The following GRIK4 variants were observed in gnomAD, a reference collection of about 807,000 sequenced individuals.
GRIK4 encodes the protein glutamate ionotropic receptor kainate type subunit 4, also known as glutamate receptor ionotropic, kainate 4.
GRIK4 carries 40 observed loss-of-function variants against 104.9 expected under a neutral mutation model. That is an observed-to-expected ratio of 0.38 (90% CI 0.30 to 0.50). The LOEUF (loss-of-function observed/expected upper bound fraction) is 0.50. Among genes scored for constraint, GRIK4 ranks in the 20% least tolerant of loss-of-function variants. The pLI is 0.93. For missense variants in GRIK4, 1,047 were observed against 1,308.1 expected (o/e 0.80, Z 3.08); for synonymous variants, 485 against 524.9 (o/e 0.92, Z 1.04).
chr11:120,512,619 G>A (rs1457890509), intron 1 of GRIK4, among the ~76,000 whole-genome samples: 1 of 145,492 alleles, frequency 6.9e-6, no homozygotes, highest in Non-Finnish European at 1.5e-5. Flanking sequence ...CTAGAGACCT[G>A]CAATGGGCGC....
chr11:120,865,194 C>G (rs1031861206), intron 9 of GRIK4, among the ~76,000 whole-genome samples: 1 of 150,566 alleles, frequency 6.6e-6, no homozygotes, highest in Non-Finnish European at 1.5e-5. Context: ...TATGCATATA[C>G]GATTCTATCT....
intron 1 of GRIK4, among the ~76,000 whole-genome samples, chr11:120,617,622 G>A (rs1949133053): frequency 6.6e-6 from 1 of 152,154 alleles, no homozygotes; most frequent in Non-Finnish European, 1.5e-5. Context: ...GATCATAGAG[G>A]TGGATTTCCC....
intron 9 of GRIK4, chr11:120,868,794 C>G (rs1418824558): frequency 6.6e-6 from 1 of 152,064 alleles, no homozygotes; most frequent in Admixed American, 6.6e-5. Flanking sequence ...ACCGTGTTGG[C>G]CAGGATGGTC....
chr11:120,550,915 T>C (rs894480002), intron 1 of GRIK4, among the ~76,000 whole-genome samples: 1 of 152,092 alleles, frequency 6.6e-6, no homozygotes, highest in Non-Finnish European at 1.5e-5. Context: ...CATGCAGGGC[T>C]GAGTGGGGTC....
At chr11:120,818,390 A>G (rs967413871) in intron 5 of GRIK4, among the ~76,000 whole-genome samples, 3 of 152,244 alleles carry the variant, frequency 2.0e-5, no homozygotes, top group African/African-American at 7.2e-5. Context: ...ATGGGATACA[A>G]AATACAAGCG....
chr11:120,906,944 A>C (rs1942881063), intron 13 of GRIK4, among the ~76,000 whole-genome samples: 1 of 152,186 alleles, frequency 6.6e-6, no homozygotes, highest in Non-Finnish European at 1.5e-5. Context: ...AGTCAACAGA[A>C]GGCTGCAGAA....
chr11:120,624,026 A>G (rs890858078), intron 1 of GRIK4, among the ~76,000 whole-genome samples: 1 of 145,270 alleles, frequency 6.9e-6, no homozygotes, highest in Non-Finnish European at 1.5e-5. Flanking sequence ...GCCTCTCTCC[A>G]TCACTGCCTG....
At chr11:120,723,245 C>T (rs1037712561) in intron 3 of GRIK4, among the ~76,000 whole-genome samples, 4 of 152,162 alleles carry the variant, frequency 2.6e-5, no homozygotes, top group Non-Finnish European at 5.9e-5. Flanking sequence ...TTACATGTTA[C>T]GTTAATATAA....
At chr11:120,593,013 T>C (rs1948753651) in intron 1 of GRIK4, among the ~76,000 whole-genome samples, 1 of 151,832 alleles carries the variant, frequency 6.6e-6, no homozygotes, top group Non-Finnish European at 1.5e-5. Flanking sequence ...CGAAATCCCG[T>C]CTCTACTAAA....
chr11:120,697,615 C>CA lies in GRIK4; in HGVS notation c.82+37223dup, dbSNP rs201690732. On this transcript the variant is annotated intron_variant, in intron 3 of 20. Coordinates refer to ENST00000527524, the MANE Select transcript of GRIK4 (RefSeq NM_014619.5). ...GGGCGACAGAGTGAGACTCTGTCTCCAAAAAAAAGAATTTGTATTCCTTTA... is the reference window on the plus strand; with the variant it reads ...GGGCGACAGAGTGAGACTCTGTCTCCAAAAAAAAAGAATTTGTATTCCTTTA... Among the ~76,000 whole-genome samples, 57 of 151,698 alleles carry CA rather than the reference C, an allele frequency of 3.8e-4. 1 individual carries two copies. Among genetic ancestry groups the CA allele is most frequent in the African/African-American group, 1.1e-3 (46 of 41,362 alleles).
intron 3 of GRIK4, among the ~76,000 whole-genome samples, chr11:120,699,530 G>GGT (rs1178181309): frequency 8.1e-5 from 11 of 135,062 alleles, no homozygotes; most frequent in South Asian, 2.6e-4. Flanking sequence ...CAGTAAGTCA[G>GGT]GTGTGTGTAT....
intron 3 of GRIK4, among the ~76,000 whole-genome samples, chr11:120,791,489 T>C (rs1952393104): frequency 6.6e-6 from 1 of 152,234 alleles, no homozygotes; most frequent in Non-Finnish European, 1.5e-5. Flanking sequence ...TGAAAGTTCT[T>C]TACATATTCT....
chr11:120,898,422 A>C (rs1592056275), intron 11 of GRIK4, 110 bp from the exon 12 acceptor site: 2 of 670,856 alleles, frequency 3.0e-6, no homozygotes, highest in African/African-American at 3.7e-5. Flanking sequence ...CGTACTCCAC[A>C]CCCCTCCCTG....
At chr11:120,710,178 TAATC>T (rs1284804912) in intron 3 of GRIK4, among the ~76,000 whole-genome samples, 1 of 151,724 alleles carries the variant, frequency 6.6e-6, no homozygotes, top group African/African-American at 2.4e-5. Context: ...GTATTCCAAT[TAATC>T]TTTCTAGTAA....
chr11:120,825,865 AG>A (rs1953243752), intron 6 of GRIK4, among the ~76,000 whole-genome samples: 1 of 152,166 alleles, frequency 6.6e-6, no homozygotes, highest in African/African-American at 2.4e-5. Flanking sequence ...TGCTTATGGC[AG>A]TGGGGGTGGA....
chr11:120,886,920 G>T (rs1412479205), intron 11 of GRIK4, among the ~76,000 whole-genome samples: 2 of 152,236 alleles, frequency 1.3e-5, no homozygotes, highest in East Asian at 3.9e-4. Context: ...ATACTAAAGG[G>T]CTTCTAGACC....
chr11:120,597,216 G>A (rs1211890132), intron 1 of GRIK4, among the ~76,000 whole-genome samples: 3 of 152,170 alleles, frequency 2.0e-5, no homozygotes, highest in African/African-American at 4.8e-5. Flanking sequence ...CTCACCTTGC[G>A]GGGCCGCTCC....
At position 120,550,675 on chromosome 11, in the gene GRIK4, C is replaced by G. The variant is rs556574653; in HGVS notation, c.-159+38788C>G. ...GCCAGGGTGGATGTGGCGCCACAGA[C>G]AGGACAGAGGCCAGGTGAGTCCTGA... is the stretch of plus-strand genomic sequence containing the variant. On this transcript the variant is annotated intron_variant, in intron 1 of 20. Transcript: ENST00000527524. Among the ~76,000 whole-genome samples the G allele has an allele frequency of 2.0e-5, 3 of 152,114 alleles. No homozygotes were observed. In the East Asian group the frequency reaches 5.8e-4, roughly 29 times the overall value.
intron 11 of GRIK4, among the ~76,000 whole-genome samples, chr11:120,887,475 T>C (rs1955155807): frequency 6.6e-6 from 1 of 152,336 alleles, no homozygotes; most frequent in East Asian, 1.9e-4. Flanking sequence ...GAATTCCTGT[T>C]TGAGCTGGAA....
Sources: gnomAD v4.1 joint callset for allele counts (sites outside exome capture counted in the v4.1 genomes callset) on GRCh38, gnomAD v4.1.1 for gene constraint, MANE v1.5 for transcripts, NCBI Gene and HGNC (gene_info 2026-07-23, HGNC 2026-07-21) for gene names.